Variants in ATP10A observed in about 807,000 individuals in gnomAD.
ATP10A encodes ATPase phospholipid transporting 10A (putative).
Under a neutral mutation model 147.8 loss-of-function variants are expected in ATP10A, and 111 were observed. The observed-to-expected ratio is 0.75, with a 90% confidence interval of 0.64 to 0.88. ATP10A has a LOEUF of 0.88. Ranked by LOEUF, ATP10A falls within the 40% of genes least tolerant of loss-of-function variation. The pLI, the probability that ATP10A is intolerant of heterozygous loss-of-function variation, is 0.00. For missense variants in ATP10A, 1,927 were observed against 1,959.0 expected, an observed-to-expected ratio of 0.98 and a Z score of 0.31; for synonymous variants, 875 against 841.6, an observed-to-expected ratio of 1.04 and a Z score of -0.69.
intron 14 of ATP10A, among the ~76,000 whole-genome samples, chr15:25,694,324 C>A (rs1308963502): frequency 6.6e-6 from 1 of 152,274 alleles, no homozygotes; most frequent in Non-Finnish European, 1.5e-5. Flanking sequence ...AGAAGCCTGT[C>A]CCAGAACCAT....
intron 1 of ATP10A, among the ~76,000 whole-genome samples, chr15:25,786,484 C>A (rs1890163896): frequency 6.7e-6 from 1 of 150,292 alleles, no homozygotes; most frequent in Non-Finnish European, 1.5e-5. Flanking sequence ...TTTTGAACGA[C>A]AGAACTGTTC....
chr15:25,850,228 A>G (rs561949350), intron 1 of ATP10A, among the ~76,000 whole-genome samples: 4 of 152,152 alleles, frequency 2.6e-5, no homozygotes, highest in Non-Finnish European at 5.9e-5. Flanking sequence ...TCAGAGAGAG[A>G]GAGTCAGTGG....
chr15:25,693,416 T>A (rs759594071), intron 14 of ATP10A, among the ~76,000 whole-genome samples: 3 of 152,230 alleles, frequency 2.0e-5, no homozygotes, highest in Non-Finnish European at 4.4e-5. Flanking sequence ...AGGATTTCCT[T>A]CCACTTCTTC....
chr15:25,801,693 A>C (rs1319777764), intron 1 of ATP10A, among the ~76,000 whole-genome samples: 1 of 152,162 alleles, frequency 6.6e-6, no homozygotes. Context: ...AAGCCCCGTG[A>C]CGCTGATGTG....
At chr15:25,830,761 T>C (rs1892319852) in intron 1 of ATP10A, among the ~76,000 whole-genome samples, 3 of 152,214 alleles carry the variant, frequency 2.0e-5, no homozygotes, top group Admixed American at 6.5e-5. Context: ...AGATGGTCTA[T>C]ATTAAACCTG....
chr15:25,861,262 AATTT>A (rs1893747817), intron 1 of ATP10A, among the ~76,000 whole-genome samples: 2 of 152,214 alleles, frequency 1.3e-5, no homozygotes, highest in Admixed American at 1.3e-4. Flanking sequence ...GGAAAACTGT[AATTT>A]TAACAAGCGC....
intron 2 of ATP10A, among the ~76,000 whole-genome samples, chr15:25,776,716 T>C (rs1259372692): frequency 1.3e-5 from 2 of 152,216 alleles, no homozygotes; most frequent in Non-Finnish European, 2.9e-5. Flanking sequence ...GCCTTCAGAT[T>C]CTGGGGTCTG....
intron 12 of ATP10A, among the ~76,000 whole-genome samples, chr15:25,706,118 T>C (rs17735077): frequency 0.24 from 36,402 of 152,072 alleles, 4,776 homozygotes; most frequent in East Asian, 0.35. Flanking sequence ...GTAAAAATTA[T>C]AGAATCCAAG....
chr15:25,812,141 A>G (rs1413785923), intron 1 of ATP10A, among the ~76,000 whole-genome samples: 1 of 152,222 alleles, frequency 6.6e-6, no homozygotes, highest in Non-Finnish European at 1.5e-5. Flanking sequence ...GACGCCTTGG[A>G]GTTAAATCAA....
intron 1 of ATP10A, chr15:25,862,310 C>T: frequency 1.9e-6 from 1 of 531,612 alleles, no homozygotes. Flanking sequence ...GCTGGCTTTT[C>T]CTGCCTTTCA....
At chr15:25,725,557 G>A (rs1346554867) in intron 5 of ATP10A, among the ~76,000 whole-genome samples, 1 of 152,110 alleles carries the variant, frequency 6.6e-6, no homozygotes, top group Non-Finnish European at 1.5e-5. Context: ...GAAAAACTGG[G>A]GTTTTAATTT....
At chr15:25,853,849 C>G (rs1893393989) in intron 1 of ATP10A, among the ~76,000 whole-genome samples, 4 of 151,098 alleles carry the variant, frequency 2.6e-5, no homozygotes, top group Admixed American at 6.6e-5. Flanking sequence ...CAAAACAAAA[C>G]AAAACAACCA....
At chr15:25,787,628 A>G (rs4906775) in intron 1 of ATP10A, among the ~76,000 whole-genome samples, 62,587 of 149,046 alleles carry the variant, frequency 0.42, 13,318 homozygotes, top group East Asian at 0.57. Context: ...AAAAAAAAAA[A>G]AAGAAGAAAG....
intron 1 of ATP10A, 163 bp downstream of exon 1, chr15:25,862,485 G>T: frequency 2.3e-6 from 2 of 887,010 alleles, no homozygotes; most frequent in Non-Finnish European, 3.4e-6. Flanking sequence ...TGGCGGCGCT[G>T]TGGCTTCGGT....
At chr15:25,681,713 C>T (rs976649460) in intron 17 of ATP10A, among the ~76,000 whole-genome samples, 1 of 152,162 alleles carries the variant, frequency 6.6e-6, no homozygotes, top group African/African-American at 2.4e-5. Context: ...TCACTGGGAA[C>T]ACCTGCACCA....
intron 1 of ATP10A, among the ~76,000 whole-genome samples, chr15:25,837,847 A>G (rs530628218): frequency 6.6e-6 from 1 of 152,314 alleles, no homozygotes; most frequent in Admixed American, 6.5e-5. Context: ...CTCAGGTGGA[A>G]GGGGAGCCAG....
At chr15:25,715,509 T>A (rs1901743723) in intron 9 of ATP10A, among the ~76,000 whole-genome samples, 1 of 152,218 alleles carries the variant, frequency 6.6e-6, no homozygotes, top group South Asian at 2.1e-4. Flanking sequence ...TCAGTCAGGG[T>A]CTAGCCCAGA....
chr15:25,837,007 C>T lies in ATP10A; in HGVS notation c.449+25641G>A, dbSNP rs182392010. On this transcript the variant is annotated intron_variant, in intron 1 of 20. Coordinates refer to ENST00000555815, the MANE Select transcript of ATP10A (RefSeq NM_024490.4). ...ACATTATATTTTGATATACATATAA[C>T]GTAGTGAAATACATAGAGAAATGAT... 4.0e-3 allele frequency among the ~76,000 whole-genome samples: 610 copies of T among 152,248 alleles called. 6 individuals are homozygous for T. Among genetic ancestry groups the T allele is most frequent in the African/African-American group, 0.012 (514 of 41,536 alleles).
intron 1 of ATP10A, among the ~76,000 whole-genome samples, chr15:25,859,537 T>C (rs1597011524): frequency 6.6e-6 from 1 of 151,980 alleles, no homozygotes; most frequent in African/African-American, 2.4e-5. Context: ...GCTGGGTGGG[T>C]GGCCCTTCCC....
Sources: allele counts gnomAD v4.1 joint callset (sites outside exome capture counted in the v4.1 genomes callset), GRCh38; gene constraint gnomAD v4.1.1; transcripts MANE v1.5; gene names NCBI Gene and HGNC (gene_info 2026-07-23, HGNC 2026-07-21).